Variants in CCND3 observed in about 807,000 individuals in gnomAD.
The protein encoded by CCND3 is cyclin D3, also known as G1/S-specific cyclin-D3.
CCND3 carries 9 observed loss-of-function variants against 28.7 expected under a neutral mutation model. That is an observed-to-expected ratio of 0.31 (90% CI 0.19 to 0.55). The LOEUF is 0.55. Ranked by LOEUF, CCND3 falls within the 20% of genes least tolerant of loss-of-function variation. The pLI, the probability that CCND3 is intolerant of heterozygous loss-of-function variation, is 0.93. For synonymous variants in CCND3, 164 were observed against 163.9 expected (o/e 1.00, Z 0.00); for missense variants, 315 against 385.8 (o/e 0.82, Z 1.54).
chr6:41,952,014 G>A (rs1392697033), intron 1 of CCND3, among the ~76,000 whole-genome samples: 2 of 151,962 alleles, frequency 1.3e-5, no homozygotes, highest in East Asian at 1.9e-4. Context: ...CACCCGCCTC[G>A]GCCTCCCAAC....
chr6:41,962,887 A>G (rs1761760281), intron 1 of CCND3, among the ~76,000 whole-genome samples: 2 of 152,136 alleles, frequency 1.3e-5, no homozygotes, highest in Non-Finnish European at 2.9e-5. Context: ...AGTAGCTGGG[A>G]CTACAGGCGC....
At position 41,935,232 on chromosome 6, in the gene CCND3, G is replaced by A. The variant is rs762409757; in HGVS notation, c.*708C>T. On this transcript the variant is annotated 3_prime_UTR_variant, in exon 5 of 5. Coordinates refer to ENST00000372991, the MANE Select transcript of CCND3 (RefSeq NM_001760.5). ...AAGGGAGGAAAACAGCAACCACCAG[G>A]GTTACCACCACTTGTGGGATGGCCA... The A allele has an allele frequency of 4.3e-6, 1 of 233,570 alleles. No homozygotes were observed. The highest frequency in any genetic ancestry group is 2.2e-5 in the African/African-American group (1 of 45,338). 14.5% of individuals were successfully genotyped at this position (233,570 alleles called of 1,614,324 possible).
At chr6:41,996,741 T>C (rs1274976428) in intron 1 of CCND3, among the ~76,000 whole-genome samples, 1 of 150,728 alleles carries the variant, frequency 6.6e-6, no homozygotes, top group Non-Finnish European at 1.5e-5. Flanking sequence ...CTCGGCTCAC[T>C]GCAACCTCCA....
intron 1 of CCND3, among the ~76,000 whole-genome samples, chr6:42,013,776 T>C (rs1469955877): frequency 6.6e-6 from 1 of 152,172 alleles, no homozygotes; most frequent in Non-Finnish European, 1.5e-5. Context: ...AAGCCATTCA[T>C]TCAAGAATGA....
chr6:41,956,134 A>T (rs1475199299), intron 1 of CCND3, among the ~76,000 whole-genome samples: 5 of 152,082 alleles, frequency 3.3e-5, no homozygotes, highest in Non-Finnish European at 5.9e-5. Flanking sequence ...TCTACTAAAA[A>T]TACAAAAATT....
intron 1 of CCND3, among the ~76,000 whole-genome samples, chr6:42,000,463 C>T (rs1349566274): frequency 4.7e-5 from 7 of 150,302 alleles, no homozygotes. Context: ...CTCCTGACCT[C>T]GTGATCCGCC....
intron 1 of CCND3, among the ~76,000 whole-genome samples, chr6:41,952,760 C>T (rs548081246): frequency 6.4e-4 from 98 of 152,264 alleles, no homozygotes; most frequent in African/African-American, 1.6e-3. Context: ...CCAGAGCCCA[C>T]GCTCTAAGCC....
intron 1 of CCND3, among the ~76,000 whole-genome samples, chr6:41,959,679 T>TCCGTCTCAAAAAAAAAAAAAGA (rs772818142): frequency 6.8e-6 from 1 of 147,120 alleles, no homozygotes; most frequent in South Asian, 2.2e-4. Context: ...ACAGCAAGAC[T>TCCGTCTCAAAAAAAAAAAAAGA]AAATCAGGCC....
intron 2 of CCND3, chr6:41,937,742 G>T: frequency 3.3e-6 from 1 of 300,332 alleles, no homozygotes; most frequent in South Asian, 4.0e-5. Context: ...CTGAAAGACG[G>T]AAGCAGCAGA....
chr6:42,027,540 C>CGAACTGACCATTG (rs1763914732), intron 1 of CCND3, among the ~76,000 whole-genome samples: 1 of 152,098 alleles, frequency 6.6e-6, no homozygotes, highest in African/African-American at 2.4e-5. Flanking sequence ...ATTCCTCCCT[C>CGAACTGACCATTG]GAACTGACCA....
In CCND3 at chr6:42,048,783, G is replaced by C. The variant is rs995551208; in HGVS notation, c.-328C>G. On this transcript the variant is annotated 5_prime_UTR_variant, in exon 1 of 5. Transcript: ENST00000372988. The surrounding 1 kb of genome is among the most constrained non-coding windows in gnomAD (Gnocchi z 4.7). ...AGGGGCTGGTGCTCTGCTCAGCCAA[G>C]TTTCGGTCCCCGGCCTGACTCTCCC... The C allele has an allele frequency of 1.4e-5, 6 of 442,158 alleles. No individual in the cohort carries two copies. The highest frequency in any genetic ancestry group is 2.7e-5 in the Admixed American group (1 of 37,552). 27.4% of individuals were successfully genotyped at this position (442,158 alleles called of 1,614,324 possible).
chr6:41,955,021 T>G (rs1776404880), intron 1 of CCND3, among the ~76,000 whole-genome samples: 1 of 152,200 alleles, frequency 6.6e-6, no homozygotes, highest in Admixed American at 6.5e-5. Flanking sequence ...ATATAAAATT[T>G]TCCTTATTGT....
chr6:42,022,231 C>G (rs151277850), intron 1 of CCND3, among the ~76,000 whole-genome samples: 275 of 152,236 alleles, frequency 1.8e-3, no homozygotes, highest in African/African-American at 6.4e-3. Flanking sequence ...GGCCTGAATC[C>G]ACAGGCCAAA....
At chr6:41,979,645 A>C (rs200187806) in intron 1 of CCND3, among the ~76,000 whole-genome samples, 285 of 81,248 alleles carry the variant, frequency 3.5e-3, no homozygotes, top group African/African-American at 0.011. Flanking sequence ...CTCTCTCTCT[A>C]TATATATATA....
intron 1 of CCND3, among the ~76,000 whole-genome samples, chr6:42,037,736 A>C (rs113732491): frequency 0.01 from 1,523 of 152,130 alleles, 23 homozygotes; most frequent in African/African-American, 0.034. Context: ...GTATAGCCTA[A>C]AAAACAAAAG....
At chr6:41,945,006 C>CTTGTTT (rs909551048), upstream of CCND3, among the ~76,000 whole-genome samples, 3 of 152,212 alleles carry the variant, frequency 2.0e-5, no homozygotes, top group African/African-American at 4.8e-5. Flanking sequence ...TCTTGTTTTT[C>CTTGTTT]TTGTTTTTGT....
chr6:41,981,221 T>G (rs1238804692), intron 1 of CCND3, among the ~76,000 whole-genome samples: 2 of 152,180 alleles, frequency 1.3e-5, no homozygotes, highest in Non-Finnish European at 1.5e-5. Flanking sequence ...TATTTACTTT[T>G]TTGAGATGGA....
chr6:42,018,235 C>G (rs1278746752), intron 1 of CCND3, among the ~76,000 whole-genome samples: 2 of 151,748 alleles, frequency 1.3e-5, no homozygotes, highest in African/African-American at 4.8e-5. Flanking sequence ...CTCTGTCACC[C>G]AGGCTGGAGT....
chr6:42,006,238 T>G (rs1213607126), intron 1 of CCND3, among the ~76,000 whole-genome samples: 1 of 151,580 alleles, frequency 6.6e-6, no homozygotes, highest in East Asian at 1.9e-4. Flanking sequence ...TCACATCATC[T>G]CATCTCAATA....
Sources: gnomAD v4.1 joint callset for allele counts (sites outside exome capture counted in the v4.1 genomes callset) on GRCh38, gnomAD v4.1.1 for gene constraint, Gnocchi (gnomAD v3.1) non-coding constraint, MANE v1.5 for transcripts, NCBI Gene and HGNC (gene_info 2026-07-23, HGNC 2026-07-21) for gene names.